PCMTD1: variants seen among roughly 807,000 people sequenced by gnomAD.
The protein encoded by PCMTD1 is protein-L-isoaspartate O-methyltransferase domain-containing protein 1.
A neutral mutation model predicts 37.6 loss-of-function variants in PCMTD1; 12 were observed. That is an observed-to-expected ratio of 0.32 (90% CI 0.20 to 0.52). PCMTD1 has a LOEUF of 0.52. PCMTD1 is among the 20% of genes least tolerant of loss of function. The probability of loss-of-function intolerance (pLI) is 0.97; values close to 1 mark genes in which losing one functional copy is unlikely to be tolerated. For missense variants in PCMTD1, 235 were observed against 421.3 expected, an observed-to-expected ratio of 0.56 and a Z score of 3.87; for synonymous variants, 117 against 135.8, an observed-to-expected ratio of 0.86 and a Z score of 0.96.
At chr8:51,898,077 A>G (rs1563368924) in intron 1 of PCMTD1, among the ~76,000 whole-genome samples, 1 of 152,156 alleles carries the variant, frequency 6.6e-6, no homozygotes, top group Non-Finnish European at 1.5e-5. Context: ...GTTTTTCTCA[A>G]GGAGCAAGCA....
intron 2 of PCMTD1, among the ~76,000 whole-genome samples, chr8:51,860,168 C>T (rs927809799): frequency 6.6e-6 from 1 of 152,068 alleles, no homozygotes; most frequent in African/African-American, 2.4e-5. Flanking sequence ...ATTTACTTGC[C>T]CATATAAAAG....
chr8:51,844,683 C>T (rs984034374), intron 3 of PCMTD1: 1 of 152,224 alleles, frequency 6.6e-6, no homozygotes, highest in African/African-American at 2.4e-5. Context: ...AATAAACATT[C>T]CTCTGAAGAT....
intron 1 of PCMTD1, among the ~76,000 whole-genome samples, chr8:51,876,856 T>C (rs1387918998): frequency 6.6e-6 from 1 of 152,156 alleles, no homozygotes; most frequent in Non-Finnish European, 1.5e-5. Flanking sequence ...TGGCAACTAA[T>C]AAATGTAGAA....
chr8:51,825,687 C>T (rs1179990277), intron 5 of PCMTD1, among the ~76,000 whole-genome samples: 16 of 19,410 alleles, frequency 8.2e-4, no homozygotes, highest in African/African-American at 9.2e-4. Flanking sequence ...GGCGACAGAG[C>T]GAGACTCCGT....
intron 3 of PCMTD1, among the ~76,000 whole-genome samples, chr8:51,843,439 C>G (rs2038175226): frequency 6.6e-6 from 1 of 151,926 alleles, no homozygotes; most frequent in Non-Finnish European, 1.5e-5. Context: ...CATATAATAA[C>G]TAAAACAAGG....
intron 1 of PCMTD1, among the ~76,000 whole-genome samples, chr8:51,877,253 C>T (rs966721678): frequency 2.0e-5 from 3 of 152,210 alleles, no homozygotes; most frequent in Non-Finnish European, 4.4e-5. Flanking sequence ...CTTTACTGCT[C>T]TGTCCGGTTT....
rs777652558 is a variant in PCMTD1 at position 51,820,476 on chromosome 8, C to G, written c.949G>C (p.Glu317Gln). The change falls in exon 6 of 6, where the codon GAA (glutamate) becomes CAA (glutamine). Residue 317 changes from glutamate (E) to glutamine (Q), a missense_variant. This residue lies in a region of PCMTD1 where 41 missense variants were observed against 36.4 expected (regional missense o/e 1.13). Coordinates refer to ENST00000522514, the MANE Select transcript of PCMTD1 (RefSeq NM_052937.4). ...TTCATTGCTTCATTGTGATCTTTTT[C>G]CTCCTCTTCTTTGTTATCCTCTTCC... is the stretch of plus-strand genomic sequence containing the variant. ...KMEEDNKEEE[E>Q]KDHNEAMKPE... is the part of the protein sequence containing the mutation. 1.2e-6 allele frequency: 2 copies of G among 1,613,744 alleles called. No homozygotes were observed. Among genetic ancestry groups the G allele is most frequent in the Non-Finnish European group, 1.7e-6 (2 of 1,179,842 alleles).
chr8:51,863,147 T>C (rs1176156379), intron 1 of PCMTD1, among the ~76,000 whole-genome samples: 1 of 152,236 alleles, frequency 6.6e-6, no homozygotes, highest in East Asian at 1.9e-4. Context: ...AGATAGTCTC[T>C]GTCAGTATCC....
chr8:51,881,224 TA>T (rs1415786547), intron 1 of PCMTD1, among the ~76,000 whole-genome samples: 1 of 148,666 alleles, frequency 6.7e-6, no homozygotes, highest in Non-Finnish European at 1.5e-5. Flanking sequence ...TGTGAAGTGT[TA>T]CTTAAGAAAG....
intron 1 of PCMTD1, among the ~76,000 whole-genome samples, chr8:51,881,439 A>C (rs1308106152): frequency 6.6e-6 from 1 of 152,192 alleles, no homozygotes; most frequent in East Asian, 1.9e-4. Context: ...ACAGAAAAAC[A>C]GGTCATAAGA....
At chr8:51,839,992 A>G (rs1316061097) in intron 3 of PCMTD1, among the ~76,000 whole-genome samples, 1 of 152,240 alleles carries the variant, frequency 6.6e-6, no homozygotes, top group East Asian at 1.9e-4. Context: ...CTCCAGATAC[A>G]CTGATACCAT....
chr8:51,846,503 C>G (rs2038222204), intron 2 of PCMTD1, among the ~76,000 whole-genome samples: 1 of 152,194 alleles, frequency 6.6e-6, no homozygotes, highest in African/African-American at 2.4e-5. Context: ...CTAACCTGCC[C>G]CATGACCCAC....
chr8:51,881,756 G>A lies in PCMTD1; in HGVS notation c.-96+17174C>T, dbSNP rs140700275. On this transcript the variant is annotated intron_variant, in intron 1 of 5. Transcript: ENST00000522514. ...AATTTAGAGCTGGGCTTAAAACCTC[G>A]GTGTAAGTCAAAAGCCACAGAACTT... Among the ~76,000 whole-genome samples the A allele has an allele frequency of 1.4e-3, 216 of 152,120 alleles. 1 individual carries two copies. Among genetic ancestry groups the A allele is most frequent in the East Asian group, 5.4e-3 (28 of 5,162 alleles).
intron 1 of PCMTD1, among the ~76,000 whole-genome samples, chr8:51,878,248 TGG>T (rs1491554169): frequency 0.12 from 10,691 of 91,012 alleles, 609 homozygotes; most frequent in Non-Finnish European, 0.23. Context: ...ATTTTTTTTT[TGG>T]TTTTTTTTTT....
At chr8:51,888,458 G>C (rs577495809) in intron 1 of PCMTD1, among the ~76,000 whole-genome samples, 1 of 152,052 alleles carries the variant, frequency 6.6e-6, no homozygotes, top group African/African-American at 2.4e-5. Flanking sequence ...CCTGATTTTC[G>C]TAATGCTCCC....
In PCMTD1 at chr8:51,899,034, A is replaced by C. The variant is rs2039056572; in HGVS notation, c.-200T>G. The C allele has an allele frequency of 6.6e-6, 10 of 1,510,390 alleles. No homozygotes were observed. The highest frequency in any genetic ancestry group is 8.8e-6 in the Non-Finnish European group (10 of 1,136,208). The allele number at this position is 1,510,390 out of a possible 1,614,324, so 93.6% of individuals were successfully genotyped here. A position where few individuals can be genotyped will look rare whatever the true frequency, so the allele number is the denominator to read the frequency against. ...AATAACAACACGGACGCCACCGCCG[A>C]GTGGAGAGGCGGGGCCCGGACCCGC... On this transcript the variant is annotated 5_prime_UTR_variant, in exon 1 of 6. Coordinates refer to ENST00000522514, the MANE Select transcript of PCMTD1 (RefSeq NM_052937.4).
intron 2 of PCMTD1, among the ~76,000 whole-genome samples, chr8:51,848,459 A>G (rs763664111): frequency 6.6e-6 from 1 of 152,206 alleles, no homozygotes; most frequent in Non-Finnish European, 1.5e-5. Context: ...AGGTGTTAAG[A>G]ATCTGTAATC....
chr8:51,863,682 G>C (rs187737742), intron 1 of PCMTD1, among the ~76,000 whole-genome samples: 76 of 152,316 alleles, frequency 5.0e-4, no homozygotes, highest in African/African-American at 1.8e-3. Flanking sequence ...AACACTTTGG[G>C]AGGTCGAGGC....
chr8:51,819,030 C>T lies in PCMTD1; in HGVS notation c.*1321G>A, dbSNP rs2037806845. On this transcript the variant is annotated 3_prime_UTR_variant, in exon 6 of 6. Coordinates refer to ENST00000522514, the MANE Select transcript of PCMTD1 (RefSeq NM_052937.4). ...TGTACACTTTCTTAACAAGGAATGGCTGTTTTCAGGCCTTATTAGGAAAAC... is the reference window on the plus strand; with the variant it reads ...TGTACACTTTCTTAACAAGGAATGGTTGTTTTCAGGCCTTATTAGGAAAAC... 1 of 145,484 alleles carries T rather than the reference C, an allele frequency of 6.9e-6. No homozygotes were observed. Among genetic ancestry groups the T allele is most frequent in the Non-Finnish European group, 1.5e-5 (1 of 67,562 alleles). The allele number at this position is 145,484 out of a possible 1,614,324, so 9.0% of individuals were successfully genotyped here. A position where few individuals can be genotyped will look rare whatever the true frequency, so the allele number is the denominator to read the frequency against.
Sources: gnomAD v4.1 joint callset for allele counts (sites outside exome capture counted in the v4.1 genomes callset) on GRCh38, gnomAD v4.1.1 for gene constraint, gnomAD v4.1.1 regional missense constraint, MANE v1.5 for transcripts, NCBI Gene and HGNC (gene_info 2026-07-23, HGNC 2026-07-21) for gene names.